The following FBP2 variants were observed in gnomAD, a reference collection of about 807,000 sequenced individuals.
FBP2 encodes the protein fructose-bisphosphatase 2.
In FBP2, 27 loss-of-function variants were observed where a neutral mutation model predicts 31.6. The observed-to-expected ratio is 0.85, with a 90% CI of 0.63 to 1.18. FBP2 has a LOEUF of 1.18. FBP2 is among the 50% of genes most tolerant of loss of function. FBP2 has a pLI of 0.00. For missense variants in FBP2, 421 were observed against 436.1 expected, an observed-to-expected ratio of 0.97 and a Z score of 0.31; for synonymous variants, 168 against 179.8, an observed-to-expected ratio of 0.93 and a Z score of 0.53.
At chr9:94,577,042 T>C (rs1266866333) in intron 3 of FBP2, among the ~76,000 whole-genome samples, 4 of 152,122 alleles carry the variant, frequency 2.6e-5, no homozygotes, top group Non-Finnish European at 5.9e-5. Flanking sequence ...CACAGCTCCC[T>C]CTGGCTAGAA....
At chr9:94,584,926 A>G (rs1035069583) in intron 2 of FBP2, among the ~76,000 whole-genome samples, 2 of 152,136 alleles carry the variant, frequency 1.3e-5, no homozygotes, top group African/African-American at 4.8e-5. Flanking sequence ...TGAGAGACCA[A>G]CGTCCCCCAC....
chr9:94,589,624 A>G (rs1827468152), intron 1 of FBP2, among the ~76,000 whole-genome samples: 1 of 152,132 alleles, frequency 6.6e-6, no homozygotes, highest in African/African-American at 2.4e-5. Context: ...GTTGAAGGAA[A>G]TCTCAGGTGG....
chr9:94,572,868 TTA>T (rs1247886581), intron 3 of FBP2: 1 of 152,238 alleles, frequency 6.6e-6, no homozygotes, highest in Non-Finnish European at 1.5e-5. Context: ...TAATTACGAA[TTA>T]GTTTATTGCT....
chr9:94,562,365 C>T (rs1290430455), intron 6 of FBP2, among the ~76,000 whole-genome samples: 1 of 150,804 alleles, frequency 6.6e-6, no homozygotes, highest in Non-Finnish European at 1.5e-5. Context: ...CTACTTGCCT[C>T]ACTTAGTCCT....
intron 3 of FBP2, among the ~76,000 whole-genome samples, chr9:94,578,632 A>G (rs756926530): frequency 2.2e-4 from 33 of 152,302 alleles, no homozygotes; most frequent in Middle Eastern, 3.4e-3. Context: ...GACTTCATCT[A>G]TAAAATGCTA....
chr9:94,589,154 G>A (rs1261272066), intron 1 of FBP2, among the ~76,000 whole-genome samples: 1 of 151,950 alleles, frequency 6.6e-6, no homozygotes, highest in East Asian at 1.9e-4. Flanking sequence ...CCATTCTGAG[G>A]GAAGCCGTAT....
In FBP2 at chr9:94,593,630, G is replaced by C; in HGVS notation, c.97C>G (p.Gln33Glu). The change falls in exon 1 of 7, where the codon CAG (glutamine) becomes GAG (glutamate). Residue 33 changes from glutamine to glutamate, a missense_variant. Physicochemically the swap from Gln to Glu is conservative, Grantham distance 29. Transcript: ENST00000375337. ...GCCGTCAGCATTGAGTTCAGCAGCTGGGTGAGCTCCCCAGTCCCTTTGGCC... is the reference window on the plus strand; with the variant it reads ...GCCGTCAGCATTGAGTTCAGCAGCTCGGTGAGCTCCCCAGTCCCTTTGGCC... ...RQAKGTGELT[Q>E]LLNSMLTAIK... The C allele has an allele frequency of 6.2e-7, 1 of 1,614,208 alleles. No individual in the cohort carries two copies. Among genetic ancestry groups the C allele is most frequent in the Non-Finnish European group, 8.5e-7 (1 of 1,180,020 alleles).
At chr9:94,583,925 T>C (rs1014399744) in intron 3 of FBP2, among the ~76,000 whole-genome samples, 1 of 152,200 alleles carries the variant, frequency 6.6e-6, no homozygotes, top group Non-Finnish European at 1.5e-5. Flanking sequence ...ATGGATTTTA[T>C]TGCCGTTGTA....
intron 5 of FBP2, among the ~76,000 whole-genome samples, chr9:94,565,635 G>A (rs1039430507): frequency 6.6e-6 from 1 of 151,982 alleles, no homozygotes; most frequent in Non-Finnish European, 1.5e-5. Flanking sequence ...TAGCCCAGAA[G>A]GACTTGACAT....
intron 1 of FBP2, among the ~76,000 whole-genome samples, chr9:94,591,456 CA>C (rs1344791816): frequency 4.6e-5 from 7 of 152,016 alleles, no homozygotes; most frequent in African/African-American, 1.7e-4. Flanking sequence ...CCGCCAAGCC[CA>C]CGCCCACCCG....
At chr9:94,591,786 A>G (rs1485622346) in intron 1 of FBP2, among the ~76,000 whole-genome samples, 2 of 152,200 alleles carry the variant, frequency 1.3e-5, no homozygotes, top group African/African-American at 2.4e-5. Context: ...TAGGGATGCT[A>G]CTATACTCTC....
chr9:94,588,605 T>C lies in FBP2; in HGVS notation c.171-1136A>G, dbSNP rs149753667. 5.4e-4 allele frequency among the ~76,000 whole-genome samples: 82 copies of C among 152,262 alleles called. No individual in the cohort carries two copies. In the South Asian group the frequency reaches 7.3e-3, roughly 14 times the overall value. On this transcript the variant is annotated intron_variant, in intron 1 of 6. Coordinates refer to ENST00000375337, the MANE Select transcript of FBP2 (RefSeq NM_003837.4). ...CGCCACTGCACTGCAGCCTGAGCGA[T>C]GGAGGGAGACCCTCAAAATAATTCT...
At chr9:94,573,812 G>A (rs551663948) in intron 3 of FBP2, among the ~76,000 whole-genome samples, 1 of 152,246 alleles carries the variant, frequency 6.6e-6, no homozygotes, top group East Asian at 1.9e-4. Context: ...TCTGGTTTTT[G>A]TATCAGGATA....
intron 3 of FBP2, 40 bp from the exon 4 acceptor site, chr9:94,571,642 C>T: frequency 6.4e-7 from 1 of 1,563,458 alleles, no homozygotes; most frequent in Non-Finnish European, 8.7e-7. Flanking sequence ...TTATTGTTGT[C>T]TCTGGAGAGA....
chr9:94,584,480 G>T, intron 3 of FBP2, 97 bp downstream of exon 3: 2 of 775,068 alleles, frequency 2.6e-6, no homozygotes, highest in African/African-American at 1.7e-5. Context: ...TTAGTGGGAA[G>T]ACAAAGGGTA....
At chr9:94,587,271 C>T (rs1827437214) in intron 2 of FBP2, 36 bp downstream of exon 2, 3 of 1,568,140 alleles carry the variant, frequency 1.9e-6, no homozygotes, top group Non-Finnish European at 2.6e-6. Flanking sequence ...GTATCATCAT[C>T]TACTGGCGAG....
At chr9:94,577,344 T>C (rs1178957310) in intron 3 of FBP2, 1 of 152,244 alleles carries the variant, frequency 6.6e-6, no homozygotes, top group African/African-American at 2.4e-5. Context: ...TCCAACATCA[T>C]GGCCTCTGAT....
Position 94,558,826 on chromosome 9 carries a change from T to G in FBP2, c.*112A>C. The G allele has an allele frequency of 1.0e-6, 1 of 988,492 alleles. No homozygotes were observed. The highest frequency in any genetic ancestry group is 1.6e-6 in the Non-Finnish European group (1 of 641,528). 61.2% of individuals were successfully genotyped at this position (988,492 alleles called of 1,614,324 possible). On this transcript the variant is annotated 3_prime_UTR_variant, in exon 7 of 7. Transcript: ENST00000375337. ...TTGTTGTTGCTCTTCTGTATGTGAT[T>G]AAGTGGATTTACCTTTTGTATACTC... is the stretch of plus-strand genomic sequence containing the variant.
chr9:94,562,494 CTAT>C (rs1827123912), intron 6 of FBP2, among the ~76,000 whole-genome samples: 1 of 152,004 alleles, frequency 6.6e-6, no homozygotes, highest in African/African-American at 2.4e-5. Context: ...ATACACCAAC[CTAT>C]TAAAATCTCT....
Sources: allele counts gnomAD v4.1 joint callset (sites outside exome capture counted in the v4.1 genomes callset), GRCh38; gene constraint gnomAD v4.1.1; transcripts MANE v1.5; gene names NCBI Gene and HGNC (gene_info 2026-07-23, HGNC 2026-07-21).